The following ANO9 variants were observed in gnomAD, a reference collection of about 807,000 sequenced individuals.
ANO9 encodes the protein anoctamin 9, also known as anoctamin-9.
ANO9 carries 80 observed loss-of-function variants against 100.5 expected under a neutral mutation model. The ratio of observed to expected loss-of-function variants is 0.80; its 90% CI spans 0.66 to 0.96. The LOEUF (loss-of-function observed/expected upper bound fraction) is 0.96. Ranked by LOEUF, ANO9 falls within the 40% of genes least tolerant of loss-of-function variation. The pLI is 0.00. For missense variants in ANO9, 1,064 were observed against 1,072.7 expected, an observed-to-expected ratio of 0.99 and a Z score of 0.11; for synonymous variants, 473 against 435.6, an observed-to-expected ratio of 1.09 and a Z score of -1.07.
intron 15 of ANO9, 22 bp downstream of exon 15, chr11:428,066 G>T: frequency 6.4e-7 from 1 of 1,564,674 alleles, no homozygotes; most frequent in South Asian, 1.1e-5. Flanking sequence ...TTGGGTTGGA[G>T]GGAGCCTGGC....
intron 1 of ANO9, among the ~76,000 whole-genome samples, chr11:437,264 T>C (rs1018205690): frequency 1.3e-5 from 2 of 152,040 alleles, no homozygotes; most frequent in Non-Finnish European, 2.9e-5. Context: ...TGTGGGAAAA[T>C]TGTCTTCTGC....
At chr11:436,258 G>T (rs1171142983) in intron 1 of ANO9, among the ~76,000 whole-genome samples, 2 of 151,812 alleles carry the variant, frequency 1.3e-5, no homozygotes, top group African/African-American at 4.8e-5. Context: ...GTAGAGACAG[G>T]GTTTCTCCAT....
chr11:429,650 T>G lies in ANO9; in HGVS notation c.835A>C (p.Thr279Pro), dbSNP rs760674852. 3 of 1,612,582 alleles carry G rather than the reference T, an allele frequency of 1.9e-6. No homozygotes were observed. Among genetic ancestry groups the G allele is most frequent in the Non-Finnish European group, 2.5e-6 (3 of 1,179,870 alleles). Residue 279 changes from threonine (T) to proline (P), a missense_variant and splice_region_variant, in exon 11 of 23, where the codon ACG (threonine) becomes CCG (proline). Transcript: ENST00000332826. ...CGCTTCCAGATCTCCAGGAACACCG[T>G]GGCTGCGGCGGGGGCAAGGAGGGGC... is the stretch of plus-strand genomic sequence containing the variant. ...VFAIFMALWA[T>P]VFLEIWKRQR...
At chr11:420,177 C>T in intron 19 of ANO9, 1 of 1,384,368 alleles carries the variant, frequency 7.2e-7, no homozygotes, top group Non-Finnish European at 9.4e-7. Flanking sequence ...TGCTCTGTTC[C>T]AGCCCCAGCC....
chr11:430,205 G>A, intron 8 of ANO9, 26 bp from the exon 9 acceptor site: 1 of 1,550,388 alleles, frequency 6.4e-7, no homozygotes, highest in Admixed American at 2.0e-5. Flanking sequence ...TGAGGCTGGG[G>A]TCGGCTCCTC....
chr11:433,176 G>A, intron 4 of ANO9, 138 bp downstream of exon 4: 2 of 1,221,676 alleles, frequency 1.6e-6, no homozygotes, highest in Non-Finnish European at 2.2e-6. Context: ...TCTCACACCT[G>A]TGGCCCCTGC....
chr11:438,755 A>G (rs7481576), intron 1 of ANO9, among the ~76,000 whole-genome samples: 97,445 of 151,924 alleles, frequency 0.64, 31,437 homozygotes, highest in East Asian at 0.82. Flanking sequence ...TTCACAGGTG[A>G]GGGCTGGACC....
chr11:439,038 C>G (rs183945048), intron 1 of ANO9, among the ~76,000 whole-genome samples: 2 of 152,178 alleles, frequency 1.3e-5, no homozygotes, highest in Non-Finnish European at 2.9e-5. Context: ...CTGACGCCAC[C>G]GAAACACCCC....
Position 420,824 on chromosome 11 carries a change from G to C in ANO9, c.1527C>G (p.Ser509=). ...GGTCCCGGGGCAGGTGCCCGGACTCGGAGGCCCGCAGAGAGCGGCACTTGT... is the reference window on the plus strand; with the variant it reads ...GGTCCCGGGGCAGGTGCCCGGACTCCGAGGCCCGCAGAGAGCGGCACTTGT... The part of the protein sequence containing the change: ...VTHKCRSLRA[S]ESGHLPRDPE... Residue 509 remains serine (S), a synonymous_variant, in exon 18 of 23, where the codon TCC becomes TCG. Coordinates refer to ENST00000332826, the MANE Select transcript of ANO9 (RefSeq NM_001012302.3). The C allele has an allele frequency of 7.5e-6, 12 of 1,592,084 alleles. No individual in the cohort carries two copies. Among genetic ancestry groups the C allele is most frequent in the Non-Finnish European group, 1.0e-5 (12 of 1,173,076 alleles).
At chr11:420,242 G>A (rs1379373573) in intron 19 of ANO9, 2 of 1,422,534 alleles carry the variant, frequency 1.4e-6, no homozygotes, top group Non-Finnish European at 9.2e-7. Context: ...AGATCCTGAC[G>A]GTTTGTGGGA....
Position 428,708 on chromosome 11 carries a change from T to C in ANO9, c.1020+14A>G. ...GCCCGGGTCTCCAGCCCCACCGCGG[T>C]GTCCCCTGCGTACCATGAGCAGGGT... On this transcript the variant is annotated intron_variant, in intron 12 of 22. Coordinates refer to ENST00000332826, the MANE Select transcript of ANO9 (RefSeq NM_001012302.3). 6.2e-7 allele frequency: 1 copy of C among 1,612,886 alleles called. No homozygotes were observed. Among genetic ancestry groups the C allele is most frequent in the Non-Finnish European group, 8.5e-7 (1 of 1,179,890 alleles).
At chr11:434,311 G>A (rs1010113657) in intron 1 of ANO9, among the ~76,000 whole-genome samples, 10 of 152,220 alleles carry the variant, frequency 6.6e-5, no homozygotes, top group Non-Finnish European at 1.0e-4. Context: ...ACAGAAGCGC[G>A]TGAGGGGCTC....
chr11:433,811 C>A lies in ANO9; in HGVS notation c.204+4G>T. The A allele has an allele frequency of 6.4e-7, 1 of 1,558,436 alleles. No homozygotes were observed. The highest frequency in any genetic ancestry group is 8.7e-7 in the Non-Finnish European group (1 of 1,151,532). On this transcript the variant is annotated splice_donor_region_variant and intron_variant, in intron 3 of 22. Transcript: ENST00000332826. ...GCCCTGCCCCTCGCTGGGCACCCGCCCACCTTAATGTGGAAGCCCTTTCTC... is the reference window on the plus strand; with the variant it reads ...GCCCTGCCCCTCGCTGGGCACCCGCACACCTTAATGTGGAAGCCCTTTCTC...
intron 15 of ANO9, among the ~76,000 whole-genome samples, chr11:425,812 G>A (rs1053850251): frequency 2.6e-5 from 4 of 151,922 alleles, no homozygotes; most frequent in Non-Finnish European, 5.9e-5. Flanking sequence ...GCTCACTGCA[G>A]GCTCTGCCTC....
chr11:419,587 A>C lies in ANO9; in HGVS notation c.1929T>G (p.Thr643=). ...CAGACACCCTGAGGCCTTACTCGAC[A>C]GTAGAGTTGCCTTCTTTCAGGCATG... The part of the protein sequence containing the change: ...YSPCLKEGNS[T]VDCLKGYVNH... Residue 643 remains threonine, a synonymous_variant, in exon 20 of 23, where the codon ACT becomes ACG. Coordinates refer to ENST00000332826, the MANE Select transcript of ANO9 (RefSeq NM_001012302.3). 1 of 1,613,322 alleles carries C rather than the reference A, an allele frequency of 6.2e-7. No individual in the cohort carries two copies. The highest frequency in any genetic ancestry group is 1.1e-5 in the South Asian group (1 of 91,072).
chr11:433,125 T>C (rs1440156661), intron 4 of ANO9, 189 bp downstream of exon 4: 1 of 734,856 alleles, frequency 1.4e-6, no homozygotes, highest in African/African-American at 1.8e-5. Context: ...ACCGTGATCC[T>C]TTAATGGGAT....
In ANO9 at chr11:422,941, T is replaced by G. The variant is rs1242107946; in HGVS notation, c.1335-1743A>C. 2.0e-5 allele frequency among the ~76,000 whole-genome samples: 3 copies of G among 151,862 alleles called. No individual in the cohort carries two copies. Among genetic ancestry groups the G allele is most frequent in the African/African-American group, 7.3e-5 (3 of 41,312 alleles). On this transcript the variant is annotated intron_variant, in intron 15 of 22. Transcript: ENST00000332826. The surrounding 1 kb of genome is among the most constrained non-coding windows in gnomAD (Gnocchi z 4.3). ...ACCTTCCGGGTTTAAGTGATTCTCC[T>G]GCCTCAGCCTCCTGAGTAGCTGGGA...
chr11:435,856 C>G lies in ANO9; in HGVS notation c.7-1758G>C, dbSNP rs745854267. On this transcript the variant is annotated intron_variant, in intron 1 of 22. Transcript: ENST00000332826. ...ACGGTATAGTCTAGTCTAGTCTAGT[C>G]TAGTCTAGTATAGCATAGTATAGCA... Among the ~76,000 whole-genome samples, 17 of 148,332 alleles carry G rather than the reference C, an allele frequency of 1.1e-4. 1 individual carries two copies. The highest frequency in any genetic ancestry group is 1.8e-4 in the Non-Finnish European group (12 of 67,142).
Position 431,742 on chromosome 11 carries a change from C to G in ANO9, c.491G>C (p.Trp164Ser), listed in dbSNP as rs376898874. ...HKGEGRLKKT[W>S]ARWRHMFREQ... is the part of the protein sequence containing the mutation. Reference sequence around the variant, plus strand: ...CCGGAACATGTGTCTCCACCGCGCCCACGTCTTCTTCAGGCGTCCCTCCCC... The same window carrying G: ...CCGGAACATGTGTCTCCACCGCGCCGACGTCTTCTTCAGGCGTCCCTCCCC... The change falls in exon 7 of 23, where the codon TGG becomes TCG. Residue 164 changes from tryptophan to serine, a missense_variant. Physicochemically the swap from Trp to Ser is radical, Grantham distance 177. Coordinates refer to ENST00000332826, the MANE Select transcript of ANO9 (RefSeq NM_001012302.3). 156 of 1,612,554 alleles carry G rather than the reference C, an allele frequency of 9.7e-5. No homozygotes were observed. The highest frequency in any genetic ancestry group is 1.6e-4 in the Middle Eastern group (1 of 6,078).
Sources: allele counts gnomAD v4.1 joint callset (sites outside exome capture counted in the v4.1 genomes callset), GRCh38; gene constraint gnomAD v4.1.1; non-coding constraint Gnocchi (gnomAD v3.1); transcripts MANE v1.5; gene names NCBI Gene and HGNC (gene_info 2026-07-23, HGNC 2026-07-21).